The following SCN2A variants were observed in gnomAD, a reference collection of about 807,000 sequenced individuals.
The protein encoded by SCN2A is sodium voltage-gated channel alpha subunit 2.
A neutral mutation model predicts 188.7 loss-of-function variants in SCN2A; 20 were observed. The observed-to-expected ratio is 0.11, with a 90% CI of 0.07 to 0.15. SCN2A has a LOEUF of 0.15. SCN2A is among the 10% of genes least tolerant of loss of function. The pLI, the probability that SCN2A is intolerant of heterozygous loss-of-function variation, is 1.00. For missense variants in SCN2A, 1,278 were observed against 2,445.0 expected (o/e 0.52, Z 10.07); for synonymous variants, 804 against 833.1 (o/e 0.97, Z 0.60).
intron 16 of SCN2A, among the ~76,000 whole-genome samples, chr2:165,349,231 G>A (rs997913541): frequency 6.6e-6 from 1 of 152,206 alleles, no homozygotes; most frequent in African/African-American, 2.4e-5. Flanking sequence ...CAACATGAAT[G>A]ATCAGACAGC....
chr2:165,380,975 T>C, intron 24 of SCN2A, 118 bp from the exon 25 acceptor site: 4 of 754,840 alleles, frequency 5.3e-6, no homozygotes, highest in Non-Finnish European at 9.0e-6. Flanking sequence ...TCTCTATAAA[T>C]ACAGATATTA....
chr2:165,373,147 T>A (rs2105370417), intron 20 of SCN2A, 78 bp from the exon 21 acceptor site: 2 of 1,474,434 alleles, frequency 1.4e-6, no homozygotes, highest in Non-Finnish European at 1.9e-6. Flanking sequence ...AATTACTGAT[T>A]CATTGCATAG....
Position 165,388,741 on chromosome 2 carries a change from G to C in SCN2A, c.4935G>C (p.Gly1645=). The change falls in exon 27 of 27, where the codon GGG becomes GGC. Residue 1645 remains glycine, a synonymous_variant. Coordinates refer to ENST00000375437, the MANE Select transcript of SCN2A (RefSeq NM_001040142.2). ...RILRLIKGAK[G]IRTLLFALMM... ...TACGTCTGATCAAAGGAGCAAAGGGGATCCGCACGCTGCTCTTTGCTTTGA... is the reference window on the plus strand; with the variant it reads ...TACGTCTGATCAAAGGAGCAAAGGGCATCCGCACGCTGCTCTTTGCTTTGA... 1.2e-6 allele frequency: 2 copies of C among 1,614,020 alleles called. No individual in the cohort carries two copies. The highest frequency in any genetic ancestry group is 8.5e-7 in the Non-Finnish European group (1 of 1,179,946).
chr2:165,351,547 G>A (rs1176453122), intron 16 of SCN2A, among the ~76,000 whole-genome samples: 3 of 148,042 alleles, frequency 2.0e-5, no homozygotes, highest in African/African-American at 5.0e-5. Flanking sequence ...TCACAATTAG[G>A]AGAAAAGACC....
At chr2:165,268,571 C>T (rs10174245) in intron 1 of SCN2A, 57,627 of 152,136 alleles carry the variant, frequency 0.38, 11,313 homozygotes, top group African/African-American at 0.48. Flanking sequence ...AAACCCAGAA[C>T]CAATATCATA....
intron 1 of SCN2A, chr2:165,269,152 T>C (rs1694999340): frequency 1.3e-5 from 2 of 152,082 alleles, no homozygotes. Flanking sequence ...TTTTAAATGT[T>C]CTCACCACCA....
chr2:165,313,227 C>T (rs144801671), intron 8 of SCN2A, among the ~76,000 whole-genome samples: 1 of 152,140 alleles, frequency 6.6e-6, no homozygotes, highest in East Asian at 1.9e-4. Flanking sequence ...CCCCACCTAT[C>T]CTTTTCTCAC....
intron 1 of SCN2A, among the ~76,000 whole-genome samples, chr2:165,261,615 T>G (rs1694600114): frequency 6.6e-6 from 1 of 152,182 alleles, no homozygotes; most frequent in African/African-American, 2.4e-5. Flanking sequence ...CACCAATGAG[T>G]TGAGATCAAT....
chr2:165,354,732 C>T, intron 17 of SCN2A, 61 bp downstream of exon 17: 1 of 1,548,052 alleles, frequency 6.5e-7, no homozygotes, highest in Non-Finnish European at 8.8e-7. Flanking sequence ...TTAAAATTAT[C>T]AGGTGTTTTT....
chr2:165,305,728 C>A (rs1192205398), intron 3 of SCN2A, among the ~76,000 whole-genome samples: 1 of 152,040 alleles, frequency 6.6e-6, no homozygotes, highest in Non-Finnish European at 1.5e-5. Flanking sequence ...GAAGATGTTG[C>A]CATCTTTAGA....
intron 1 of SCN2A, among the ~76,000 whole-genome samples, chr2:165,256,588 CA>C (rs568281368): frequency 1.3e-3 from 195 of 152,230 alleles, no homozygotes; most frequent in Non-Finnish European, 2.2e-3. Flanking sequence ...TCTGCATTTT[CA>C]AATATGCTTA....
chr2:165,308,507 A>G (rs1431327223), intron 4 of SCN2A, among the ~76,000 whole-genome samples, 159 bp from the exon 5 acceptor site: 1 of 152,070 alleles, frequency 6.6e-6, no homozygotes, highest in East Asian at 1.9e-4. Flanking sequence ...TTTGGAATTT[A>G]ATGTTTCTTT....
At chr2:165,335,411 A>G (rs1698934308) in intron 14 of SCN2A, among the ~76,000 whole-genome samples, 2 of 151,790 alleles carry the variant, frequency 1.3e-5, no homozygotes, top group Admixed American at 6.6e-5. Flanking sequence ...ATAGCTATAT[A>G]CATCAATGGA....
chr2:165,339,189 C>T (rs1000275124), intron 14 of SCN2A, among the ~76,000 whole-genome samples: 13 of 151,592 alleles, frequency 8.6e-5, no homozygotes, highest in Admixed American at 7.2e-4. Context: ...CCACTGCACT[C>T]CACACTTCAG....
chr2:165,382,800 A>C (rs1273099733), intron 25 of SCN2A, among the ~76,000 whole-genome samples: 1 of 152,188 alleles, frequency 6.6e-6, no homozygotes, highest in Non-Finnish European at 1.5e-5. Context: ...TAGCATTGTC[A>C]GAACAAAATT....
intron 21 of SCN2A, among the ~76,000 whole-genome samples, 179 bp from the exon 22 acceptor site, chr2:165,374,505 AC>A (rs1214414131): frequency 6.6e-6 from 1 of 151,986 alleles, no homozygotes; most frequent in Non-Finnish European, 1.5e-5. Flanking sequence ...TTCGTTGTAT[AC>A]TCTTCTGATT....
In SCN2A at chr2:165,386,890, A is replaced by T. The variant is rs1250951007; in HGVS notation, c.4696A>T (p.Ile1566Phe). 2 of 1,613,862 alleles carry T rather than the reference A, an allele frequency of 1.2e-6. No homozygotes were observed. Among genetic ancestry groups the T allele is most frequent in the Admixed American group, 3.3e-5 (2 of 59,980 alleles). ...SQEMTNILYW[I>F]NLVFIVLFTG... is the part of the protein sequence containing the mutation. ...AGAAATGACAAACATTCTGTACTGG[A>T]TTAATCTGGTGTTTATTGTTCTGTT... is the stretch of plus-strand genomic sequence containing the variant. The change falls in exon 26 of 27, where the codon ATT (isoleucine) becomes TTT (phenylalanine). Residue 1566 changes from isoleucine (I) to phenylalanine (F), a missense_variant. Ile to Phe is a conservative substitution (Grantham distance 21, BLOSUM62 0). Around this residue, in one of 17 missense-constraint regions of SCN2A, gnomAD observed 97 missense variants for 266.1 expected, o/e 0.36. Transcript: ENST00000375437.
In SCN2A at chr2:165,308,291, A is replaced by G. The variant is rs545956468; in HGVS notation, c.476+354A>G. Among the ~76,000 whole-genome samples the G allele has an allele frequency of 6.6e-5, 10 of 152,016 alleles. No homozygotes were observed. The East Asian group carries it at 7.7e-4, about 12-fold the overall frequency. Reference sequence around the variant, plus strand: ...ACTACCACAGTTCTGTGTTACTAGTATATGTTTGATGGCTTTTAATGGTGC... The same window carrying G: ...ACTACCACAGTTCTGTGTTACTAGTGTATGTTTGATGGCTTTTAATGGTGC... On this transcript the variant is annotated intron_variant, in intron 4 of 26. Coordinates refer to ENST00000375437, the MANE Select transcript of SCN2A (RefSeq NM_001040142.2).
intron 20 of SCN2A, chr2:165,372,526 C>T (rs950509553): frequency 5.9e-5 from 9 of 151,810 alleles, no homozygotes; most frequent in Admixed American, 3.9e-4. Flanking sequence ...GTATGTCCCC[C>T]GACCGTTTTT....
Sources: gnomAD v4.1 joint callset for allele counts (sites outside exome capture counted in the v4.1 genomes callset) on GRCh38, gnomAD v4.1.1 for gene constraint, gnomAD v4.1.1 regional missense constraint, MANE v1.5 for transcripts, NCBI Gene and HGNC (gene_info 2026-07-23, HGNC 2026-07-21) for gene names.